The following RHOU variants were observed in gnomAD, a reference collection of about 807,000 sequenced individuals.
RHOU encodes ras homolog family member U.
Under a neutral mutation model 12.6 loss-of-function variants are expected in RHOU, and 8 were observed. The observed-to-expected ratio is 0.64, with a 90% CI of 0.37 to 1.15. The LOEUF (loss-of-function observed/expected upper bound fraction) is 1.15, where lower values mean the gene tolerates loss of function less well. RHOU is among the 50% of genes most tolerant of loss of function. The pLI is 0.01. For missense variants in RHOU, 258 were observed against 347.0 expected (o/e 0.74, Z 2.04); for synonymous variants, 161 against 147.4 (o/e 1.09, Z -0.67).
At chr1:228,687,111 T>A in the RHOU span, among the ~76,000 whole-genome samples, 1 of 152,144 alleles carries the variant, frequency 6.6e-6, no homozygotes, top group Admixed American at 6.5e-5. Flanking sequence ...TACACAAAAC[T>A]CATTTTCCAC....
chr1:228,659,176 C>T, the RHOU span, among the ~76,000 whole-genome samples: 3 of 151,996 alleles, frequency 2.0e-5, no homozygotes. Flanking sequence ...GTCAGGAGTT[C>T]CAGACTAGCC....
At chr1:228,703,990 A>G in the RHOU span, among the ~76,000 whole-genome samples, 5 of 152,198 alleles carry the variant, frequency 3.3e-5, no homozygotes, top group Non-Finnish European at 7.3e-5. Context: ...GACAACGGAA[A>G]GATAGAACTC....
upstream of RHOU, among the ~76,000 whole-genome samples, chr1:228,733,438 T>G (rs1229693900): frequency 6.6e-6 from 1 of 152,136 alleles, no homozygotes; most frequent in African/African-American, 2.4e-5. Context: ...CTCTGGAGTA[T>G]TTGGATTACA....
chr1:228,691,527 C>T, the RHOU span, among the ~76,000 whole-genome samples: 1 of 148,346 alleles, frequency 6.7e-6, no homozygotes, highest in South Asian at 2.1e-4. Flanking sequence ...GTGGCCTTTT[C>T]AGATTGGCTT....
the RHOU span, among the ~76,000 whole-genome samples, chr1:228,659,966 C>CAAAAAAAAA: frequency 3.9e-5 from 3 of 76,708 alleles, no homozygotes; most frequent in Non-Finnish European, 5.4e-5. Flanking sequence ...AAAAAAAAAA[C>CAAAAAAAAA]AAAAAAAAAA....
chr1:228,687,417 G>A, the RHOU span: 1 of 1,257,686 alleles, frequency 8.0e-7, no homozygotes, highest in South Asian at 1.2e-5. Context: ...TGCATGCACT[G>A]CCTTGAAGAA....
intron 2 of RHOU, among the ~76,000 whole-genome samples, chr1:228,739,243 T>C (rs1662673300): frequency 6.6e-6 from 1 of 152,218 alleles, no homozygotes; most frequent in African/African-American, 2.4e-5. Flanking sequence ...GGATGCTTTG[T>C]CTACCAGGGG....
the RHOU span, among the ~76,000 whole-genome samples, chr1:228,653,226 G>C: frequency 6.6e-6 from 1 of 152,136 alleles, no homozygotes; most frequent in African/African-American, 2.4e-5. Flanking sequence ...GTGGCTCACT[G>C]TAACCTCTGC....
chr1:228,674,344 A>C, the RHOU span, among the ~76,000 whole-genome samples: 1 of 141,624 alleles, frequency 7.1e-6, no homozygotes, highest in Non-Finnish European at 1.5e-5. Context: ...AGTGTTTAGT[A>C]CCTTTTTTTT....
the RHOU span, among the ~76,000 whole-genome samples, chr1:228,707,132 A>ATATATATATATATG: frequency 5.0e-5 from 6 of 120,394 alleles, no homozygotes; most frequent in Non-Finnish European, 8.1e-5. Flanking sequence ...ATATACATAT[A>ATATATATATATATG]TATATATATA....
the RHOU span, among the ~76,000 whole-genome samples, chr1:228,709,436 G>T: frequency 1.3e-5 from 2 of 150,574 alleles, no homozygotes; most frequent in African/African-American, 4.9e-5. Flanking sequence ...AAATGTAAAA[G>T]AACAGAAATT....
chr1:228,695,149 T>C, the RHOU span, among the ~76,000 whole-genome samples: 2 of 152,232 alleles, frequency 1.3e-5, no homozygotes, highest in East Asian at 3.9e-4. Context: ...TTTGTATTTT[T>C]GGTAGAGATG....
the RHOU span, among the ~76,000 whole-genome samples, chr1:228,660,241 C>A: frequency 6.6e-6 from 1 of 151,378 alleles, no homozygotes; most frequent in Non-Finnish European, 1.5e-5. Context: ...GGACAAATTC[C>A]TAGGAATATG....
chr1:228,696,774 G>C, the RHOU span, among the ~76,000 whole-genome samples: 3 of 151,874 alleles, frequency 2.0e-5, no homozygotes, highest in Non-Finnish European at 4.4e-5. Flanking sequence ...CTCGAACTCC[G>C]AGGCTCAAGC....
chr1:228,646,989 A>C, the RHOU span, among the ~76,000 whole-genome samples: 2 of 151,386 alleles, frequency 1.3e-5, no homozygotes, highest in African/African-American at 4.9e-5. Flanking sequence ...GTACAGAGGG[A>C]AGGCTAGAGA....
At chr1:228,703,710 A>G in the RHOU span, among the ~76,000 whole-genome samples, 1 of 152,216 alleles carries the variant, frequency 6.6e-6, no homozygotes, top group East Asian at 1.9e-4. Flanking sequence ...TGGACTTAGC[A>G]TGGATAGCTT....
At chr1:228,682,354 G>A in the RHOU span, among the ~76,000 whole-genome samples, 4 of 152,206 alleles carry the variant, frequency 2.6e-5, no homozygotes, top group Non-Finnish European at 5.9e-5. Context: ...AGCACCAAAT[G>A]TCTCATGCTT....
intron 2 of RHOU, among the ~76,000 whole-genome samples, chr1:228,741,530 T>G (rs1662720527): frequency 6.6e-6 from 1 of 152,196 alleles, no homozygotes; most frequent in South Asian, 2.1e-4. Context: ...GTTTTATGCT[T>G]CTTTCTTTGA....
At chr1:228,664,253 C>CGGCCCT in the RHOU span, among the ~76,000 whole-genome samples, 10 of 116,210 alleles carry the variant, frequency 8.6e-5, no homozygotes, top group African/African-American at 2.2e-4. Flanking sequence ...TCCTGGGCAT[C>CGGCCCT]GGCCCTCCTC....
Sources: gnomAD v4.1 joint callset for allele counts (sites outside exome capture counted in the v4.1 genomes callset) on GRCh38, gnomAD v4.1.1 for gene constraint, MANE v1.5 for transcripts, NCBI Gene and HGNC (gene_info 2026-07-23, HGNC 2026-07-21) for gene names.